Variants in TSHR observed in about 807,000 individuals in gnomAD.
The protein encoded by TSHR is thyrotropin receptor.
A neutral mutation model predicts 64.1 loss-of-function variants in TSHR; 51 were observed. The observed-to-expected ratio is 0.80, with a 90% CI of 0.64 to 1.01. The LOEUF (loss-of-function observed/expected upper bound fraction) is 1.01. TSHR is among the 50% of genes least tolerant of loss of function. The pLI is 0.00. For missense variants in TSHR, 877 were observed against 942.8 expected, an observed-to-expected ratio of 0.93 and a Z score of 0.91; for synonymous variants, 361 against 361.9, an observed-to-expected ratio of 1.00 and a Z score of 0.03.
intron 8 of TSHR, among the ~76,000 whole-genome samples, chr14:81,138,582 A>C (rs1414099445): frequency 6.6e-6 from 1 of 152,136 alleles, no homozygotes; most frequent in Non-Finnish European, 1.5e-5. Context: ...CAACTGCACC[A>C]ACCCTTTCCT....
intron 8 of TSHR, among the ~76,000 whole-genome samples, chr14:81,111,731 T>C (rs1890232384): frequency 1.3e-5 from 2 of 152,238 alleles, no homozygotes; most frequent in Non-Finnish European, 2.9e-5. Context: ...GGCATTTTAA[T>C]TCTGCCTTAG....
At chr14:81,136,882 T>C (rs1891477225) in intron 8 of TSHR, among the ~76,000 whole-genome samples, 1 of 151,970 alleles carries the variant, frequency 6.6e-6, no homozygotes, top group African/African-American at 2.4e-5. Flanking sequence ...TCCTAATGAG[T>C]CCATGGAGAC....
At chr14:80,979,394 G>T (rs72693068) in intron 1 of TSHR, among the ~76,000 whole-genome samples, 41,325 of 151,998 alleles carry the variant, frequency 0.27, 6,521 homozygotes, top group South Asian at 0.38. Flanking sequence ...AATGAGGAGA[G>T]GTTGGTCAAC....
In TSHR at chr14:81,144,604, C is replaced by G. The variant is rs2140115180; in HGVS notation, c.*251C>G. 5 of 521,246 alleles carry G rather than the reference C, an allele frequency of 9.6e-6. No homozygotes were observed. Among genetic ancestry groups the G allele is most frequent in the Middle Eastern group, 5.1e-4 (1 of 1,950 alleles). 32.3% of individuals were successfully genotyped at this position (521,246 alleles called of 1,614,324 possible). A position where few individuals can be genotyped will look rare whatever the true frequency, so the allele number is the denominator to read the frequency against. The stretch of plus-strand genomic sequence containing the variant: ...GTGAAATCAAAATAATCTACACTAT[C>G]TAGAAGACTTTCTTGATGCCAAGTC... On this transcript the variant is annotated 3_prime_UTR_variant, in exon 10 of 10. Coordinates refer to ENST00000298171, the MANE Select transcript of TSHR (RefSeq NM_000369.5).
intron 8 of TSHR, chr14:81,108,720 G>A (rs2140032848): frequency 6.2e-7 from 1 of 1,613,426 alleles, no homozygotes; most frequent in African/African-American, 1.3e-5. Context: ...CATGCTCACA[G>A]AGGCTCTGTT....
intron 1 of TSHR, among the ~76,000 whole-genome samples, chr14:81,058,119 T>C (rs1409453619): frequency 1.3e-5 from 2 of 152,214 alleles, no homozygotes; most frequent in Non-Finnish European, 2.9e-5. Context: ...ATTAACCATA[T>C]TTCTCTCCCC....
chr14:80,991,879 A>G (rs1339529086), intron 1 of TSHR: 1 of 307,088 alleles, frequency 3.3e-6, no homozygotes, highest in African/African-American at 2.1e-5. Flanking sequence ...CACTAGGTGA[A>G]ATTTCTGGAG....
At chr14:81,074,527 A>C (rs1887351512) in intron 3 of TSHR, among the ~76,000 whole-genome samples, 1 of 152,204 alleles carries the variant, frequency 6.6e-6, no homozygotes, top group Non-Finnish European at 1.5e-5. Flanking sequence ...TGATTTGTTT[A>C]ATTTATATAC....
intron 1 of TSHR, among the ~76,000 whole-genome samples, chr14:81,032,102 A>T (rs1390308085): frequency 2.0e-5 from 3 of 152,246 alleles, no homozygotes; most frequent in African/African-American, 7.2e-5. Context: ...TTTCAAATAC[A>T]TTGGGAAGAT....
At chr14:81,047,925 T>C (rs917696192) in intron 1 of TSHR, among the ~76,000 whole-genome samples, 2 of 152,058 alleles carry the variant, frequency 1.3e-5, no homozygotes, top group African/African-American at 4.8e-5. Context: ...GGATTACAGG[T>C]GTGAGCCACC....
chr14:81,019,974 C>T (rs747844100), intron 1 of TSHR, among the ~76,000 whole-genome samples: 33 of 152,116 alleles, frequency 2.2e-4, no homozygotes, highest in Non-Finnish European at 3.2e-4. Flanking sequence ...GGTATATACC[C>T]AGTAATGGGA....
chr14:81,001,857 C>T (rs920066792), intron 1 of TSHR: 7 of 212,634 alleles, frequency 3.3e-5, no homozygotes, highest in Non-Finnish European at 5.7e-5. Flanking sequence ...CTTGATCTTG[C>T]TTTTGCCTGC....
chr14:81,076,783 G>A (rs778076786), intron 3 of TSHR, among the ~76,000 whole-genome samples: 1 of 152,092 alleles, frequency 6.6e-6, no homozygotes, highest in Non-Finnish European at 1.5e-5. Context: ...ATCTTAACTG[G>A]TATTCCCAAT....
intron 1 of TSHR, among the ~76,000 whole-genome samples, chr14:81,027,697 G>C (rs918184470): frequency 6.6e-6 from 1 of 152,146 alleles, no homozygotes; most frequent in African/African-American, 2.4e-5. Flanking sequence ...CTTTAAAAAA[G>C]CTGTTAGCCA....
intron 7 of TSHR, chr14:81,105,086 A>G (rs1889812006): frequency 1.0e-6 from 1 of 985,354 alleles, no homozygotes; most frequent in African/African-American, 1.7e-5. Flanking sequence ...GATAGTTTTT[A>G]TCACTCCTCT....
chr14:81,090,118 A>C (rs74553091), intron 4 of TSHR, among the ~76,000 whole-genome samples: 4,617 of 152,044 alleles, frequency 0.03, 235 homozygotes, highest in African/African-American at 0.1. Flanking sequence ...TCTGGGAGGC[A>C]TCAGGAGCCT....
chr14:81,094,658 T>TTTTA (rs1341367960), intron 6 of TSHR, among the ~76,000 whole-genome samples: 1 of 148,280 alleles, frequency 6.7e-6, no homozygotes, highest in Admixed American at 6.8e-5. Flanking sequence ...AGAATTCTCC[T>TTTTA]TTTATTTATT....
At chr14:81,006,726 G>T (rs1266520773) in intron 1 of TSHR, among the ~76,000 whole-genome samples, 1 of 151,832 alleles carries the variant, frequency 6.6e-6, no homozygotes, top group East Asian at 1.9e-4. Flanking sequence ...TGTTGCCCAG[G>T]ATGGTCTGCA....
intron 1 of TSHR, chr14:81,053,054 A>G (rs1885524409): frequency 6.6e-6 from 1 of 152,232 alleles, no homozygotes. Context: ...GACCCAGGAG[A>G]GCCAAAGGTA....
Sources: gnomAD v4.1 joint callset for allele counts (sites outside exome capture counted in the v4.1 genomes callset) on GRCh38, gnomAD v4.1.1 for gene constraint, MANE v1.5 for transcripts, NCBI Gene and HGNC (gene_info 2026-07-23, HGNC 2026-07-21) for gene names.